ABCD3: variants seen among roughly 807,000 people sequenced by gnomAD.
ABCD3 encodes ATP binding cassette subfamily D member 3.
In ABCD3, 41 loss-of-function variants were observed where a neutral mutation model predicts 105.5. The observed-to-expected ratio is 0.39, with a 90% CI of 0.30 to 0.50. ABCD3 has a LOEUF of 0.50. Among genes scored for constraint, ABCD3 ranks in the 20% least tolerant of loss-of-function variants. ABCD3 has a pLI of 0.84. For missense variants in ABCD3, 622 were observed against 806.3 expected (o/e 0.77, Z 2.77); for synonymous variants, 258 against 269.0 (o/e 0.96, Z 0.40).
intron 13 of ABCD3, among the ~76,000 whole-genome samples, chr1:94,488,924 T>C (rs1157569523): frequency 6.6e-6 from 1 of 151,838 alleles, no homozygotes; most frequent in South Asian, 2.1e-4. Context: ...TTTTCCACTT[T>C]GTTGAGGTAT....
intron 3 of ABCD3, among the ~76,000 whole-genome samples, chr1:94,466,161 G>A (rs1468511169): frequency 6.6e-6 from 1 of 151,938 alleles, no homozygotes; most frequent in Admixed American, 6.6e-5. Flanking sequence ...TTATTTTTTG[G>A]CACCTATCAG....
At chr1:94,386,303 AG>A in the ABCD3 span, among the ~76,000 whole-genome samples, 1 of 152,236 alleles carries the variant, frequency 6.6e-6, no homozygotes, top group African/African-American at 2.4e-5. Context: ...ATATTAATTC[AG>A]GGCTTCCTAA....
At chr1:94,463,645 T>A (rs1439969201) in intron 2 of ABCD3, among the ~76,000 whole-genome samples, 1 of 152,160 alleles carries the variant, frequency 6.6e-6, no homozygotes, top group Non-Finnish European at 1.5e-5. Flanking sequence ...AAGTTTCCCC[T>A]GTCCTTCCAA....
At chr1:94,502,789 C>T (rs12130330) in intron 20 of ABCD3, among the ~76,000 whole-genome samples, 56,185 of 151,920 alleles carry the variant, frequency 0.37, 11,690 homozygotes, top group Middle Eastern at 0.55. Flanking sequence ...CGTGAGCCGC[C>T]GCGCCCCATT....
At chr1:94,469,141 G>A (rs769912974) in intron 4 of ABCD3, among the ~76,000 whole-genome samples, 5 of 152,096 alleles carry the variant, frequency 3.3e-5, no homozygotes, top group Non-Finnish European at 7.3e-5. Flanking sequence ...CGTGGAGCCG[G>A]TCTTTTTTCC....
chr1:94,392,184 T>C, the ABCD3 span, among the ~76,000 whole-genome samples: 1 of 152,250 alleles, frequency 6.6e-6, no homozygotes, highest in Non-Finnish European at 1.5e-5. Flanking sequence ...CTTCTTCTCT[T>C]TCTTAAACTC....
chr1:94,444,066 G>A (rs1660241827), intron 1 of ABCD3, among the ~76,000 whole-genome samples: 1 of 151,814 alleles, frequency 6.6e-6, no homozygotes, highest in Non-Finnish European at 1.5e-5. Flanking sequence ...GGGCACAGTG[G>A]CTCATGCCTG....
intron 1 of ABCD3, among the ~76,000 whole-genome samples, chr1:94,444,331 CAAAAAA>C (rs35583952): frequency 2.1e-5 from 2 of 93,436 alleles, no homozygotes; most frequent in African/African-American, 4.7e-5. Context: ...GACTCCATCT[CAAAAAA>C]AAAAAAAAAA....
In ABCD3 at chr1:94,517,236, AAAAC is replaced by A. The variant is rs1045367041; in HGVS notation, c.*111_*114del. On this transcript the variant is annotated 3_prime_UTR_variant, in exon 23 of 23. Coordinates refer to ENST00000370214, the MANE Select transcript of ABCD3 (RefSeq NM_002858.4). ...TTGAGCTTAGTTTTTTTTAAAAAAAAAAACAAAGCAACAAATTAACTAGATACAG... is the reference window on the plus strand; with the variant it reads ...TTGAGCTTAGTTTTTTTTAAAAAAAAAAAGCAACAAATTAACTAGATACAG... The A allele has an allele frequency of 8.0e-5, 68 of 847,424 alleles. No individual in the cohort carries two copies. Among genetic ancestry groups the A allele is most frequent in the African/African-American group, 1.2e-4 (7 of 58,418 alleles). 52.5% of individuals were successfully genotyped at this position (847,424 alleles called of 1,614,324 possible).
At chr1:94,403,047 T>G in the ABCD3 span, among the ~76,000 whole-genome samples, 1,219 of 148,666 alleles carry the variant, frequency 8.2e-3, 20 homozygotes, top group African/African-American at 0.028. Context: ...AGTGAGAATA[T>G]GCGGTGTTTG....
chr1:94,427,977 G>C (rs1659530656), intron 1 of ABCD3, among the ~76,000 whole-genome samples: 1 of 151,940 alleles, frequency 6.6e-6, no homozygotes, highest in South Asian at 2.1e-4. Context: ...AAATTCTTTG[G>C]ATAACTGCTA....
chr1:94,392,215 G>A, the ABCD3 span, among the ~76,000 whole-genome samples: 2 of 152,146 alleles, frequency 1.3e-5, no homozygotes, highest in East Asian at 3.8e-4. Context: ...TTAGCCAATA[G>A]GATGCATGTG....
At chr1:94,399,841 G>C in the ABCD3 span, among the ~76,000 whole-genome samples, 6 of 152,154 alleles carry the variant, frequency 3.9e-5, no homozygotes, top group Non-Finnish European at 8.8e-5. Flanking sequence ...TACTTTCTAC[G>C]TTATGACATG....
At chr1:94,512,661 A>G (rs1650739092) in intron 21 of ABCD3, among the ~76,000 whole-genome samples, 1 of 152,056 alleles carries the variant, frequency 6.6e-6, no homozygotes, top group African/African-American at 2.4e-5. Flanking sequence ...ATATTTTACC[A>G]AAGCTGCTTT....
intron 7 of ABCD3, among the ~76,000 whole-genome samples, chr1:94,477,407 C>T (rs1392389016): frequency 6.6e-6 from 1 of 151,808 alleles, no homozygotes; most frequent in South Asian, 2.1e-4. Flanking sequence ...GTGGGCAGAT[C>T]GCTTGAGCCC....
At chr1:94,495,283 TA>T (rs1649743263) in intron 16 of ABCD3, among the ~76,000 whole-genome samples, 1 of 152,182 alleles carries the variant, frequency 6.6e-6, no homozygotes, top group Non-Finnish European at 1.5e-5. Context: ...ATTTGGGGGG[TA>T]TATTTTTATT....
chr1:94,500,735 T>C (rs2021635), intron 20 of ABCD3, among the ~76,000 whole-genome samples: 2,033 of 152,256 alleles, frequency 0.013, 144 homozygotes, highest in Admixed American at 0.11. Context: ...TTTCCCAAAA[T>C]CATACCCACT....
Position 94,517,745 on chromosome 1 carries a change from G to C in ABCD3, c.*616G>C, listed in dbSNP as rs937035842. ...CCATTTTGGTTTTCCTTAACTAAAT[G>C]ATAAATGTACCCCTCTCAGTCTGCA... On this transcript the variant is annotated 3_prime_UTR_variant, in exon 23 of 23. Transcript: ENST00000370214. 6.4e-6 allele frequency: 1 copy of C among 155,488 alleles called. No homozygotes were observed. The highest frequency in any genetic ancestry group is 2.4e-5 in the African/African-American group (1 of 41,390). 9.6% of individuals were successfully genotyped at this position (155,488 alleles called of 1,614,324 possible).
intron 16 of ABCD3, among the ~76,000 whole-genome samples, chr1:94,491,975 GAAC>G (rs1649554628): frequency 6.6e-6 from 1 of 151,996 alleles, no homozygotes; most frequent in Admixed American, 6.6e-5. Flanking sequence ...CATTCCTCTA[GAAC>G]AACACTTTCC....
Sources: gnomAD v4.1 joint callset for allele counts (sites outside exome capture counted in the v4.1 genomes callset) on GRCh38, gnomAD v4.1.1 for gene constraint, MANE v1.5 for transcripts, NCBI Gene and HGNC (gene_info 2026-07-23, HGNC 2026-07-21) for gene names.